Variants in IL17D observed in about 807,000 individuals in gnomAD.
The protein encoded by IL17D is interleukin 17D.
IL17D carries 10 observed loss-of-function variants against 5.7 expected under a neutral mutation model. That is an observed-to-expected ratio of 1.75 (90% confidence interval 1.08 to 2.97). IL17D has a LOEUF of 2.97. Among genes scored for constraint, IL17D ranks in the 30% most tolerant of loss-of-function variants. The pLI is 0.00. For synonymous variants in IL17D, 172 were observed against 141.7 expected (o/e 1.21, Z -1.52); for missense variants, 354 against 292.7 (o/e 1.21, Z -1.53).
Position 20,704,342 on chromosome 13 carries a change from C to A in IL17D, c.290+51C>A. ...GGCCCGGCAGGTGGGGAGGGCAGGG[C>A]TGGGCGGGGAGAGTGGGTGGGGCCG... On this transcript the variant is annotated intron_variant, in intron 1 of 1. Coordinates refer to ENST00000682841, the MANE Select transcript of IL17D (RefSeq NM_001385224.1). 3.6e-5 allele frequency: 7 copies of A among 194,946 alleles called. No homozygotes were observed. The South Asian group carries it at 4.9e-4, about 14-fold the overall frequency. The allele number at this position is 194,946 out of a possible 1,614,324, so 12.1% of individuals were successfully genotyped here.
intron 1 of IL17D, among the ~76,000 whole-genome samples, chr13:20,710,763 A>G (rs1010869731): frequency 2.0e-5 from 3 of 152,114 alleles, no homozygotes; most frequent in Admixed American, 6.6e-5. Flanking sequence ...TAGGTTATGA[A>G]TAATGTGCAA....
chr13:20,708,749 C>G (rs1303107280), intron 1 of IL17D, among the ~76,000 whole-genome samples: 1 of 150,332 alleles, frequency 6.7e-6, no homozygotes, highest in East Asian at 1.9e-4. Context: ...CCTGTAATCC[C>G]AGCACTTTGG....
At chr13:20,710,587 C>T (rs556428047) in intron 1 of IL17D, among the ~76,000 whole-genome samples, 5 of 146,442 alleles carry the variant, frequency 3.4e-5, no homozygotes, top group African/African-American at 1.0e-4. Context: ...TGAGATCGCG[C>T]CACTGCACTC....
chr13:20,702,086 G>C (rs1282647665), upstream of IL17D: 1 of 152,112 alleles, frequency 6.6e-6, no homozygotes, highest in Non-Finnish European at 1.5e-5. Context: ...TCTCTTAAAA[G>C]CCTCCCACGC....
intron 1 of IL17D, among the ~76,000 whole-genome samples, chr13:20,708,037 G>A (rs1437932689): frequency 6.6e-6 from 1 of 152,168 alleles, no homozygotes. Context: ...CTCAGCTTCT[G>A]GAGTAGCTGG....
In IL17D at chr13:20,704,274, G is replaced by T. The variant is rs747547288; in HGVS notation, c.273G>T (p.Val91=). Residue 91 remains valine (V), a synonymous_variant, in exon 1 of 2, where the codon GTG becomes GTT. Coordinates refer to ENST00000682841, the MANE Select transcript of IL17D (RefSeq NM_001385224.1). ...RFRPPTNLRS[V]SPWAYRISYD... is the part of the protein sequence containing the mutation. ...GGCCGCCCACCAACCTGCGCAGCGT[G>T]TCGCCCTGGGCCTACAGGTGAGCCG... The T allele has an allele frequency of 1.6e-5, 21 of 1,273,148 alleles. No homozygotes were observed. The South Asian group carries it at 4.8e-4, about 29-fold the overall frequency. 78.9% of individuals were successfully genotyped at this position (1,273,148 alleles called of 1,614,324 possible). A position where few individuals can be genotyped will look rare whatever the true frequency, so the allele number is the denominator to read the frequency against.
At chr13:20,714,410 G>T (rs7988941) in intron 1 of IL17D, among the ~76,000 whole-genome samples, 3 of 152,176 alleles carry the variant, frequency 2.0e-5, no homozygotes, top group Admixed American at 6.5e-5. Context: ...GCTTGGCTGT[G>T]GGGGGCAGTG....
chr13:20,718,904 G>A (rs117281591), intron 1 of IL17D, among the ~76,000 whole-genome samples: 12,086 of 107,178 alleles, frequency 0.11, 548 homozygotes, highest in Non-Finnish European at 0.15. Context: ...TCACACACCC[G>A]CCCATGCTCA....
rs1280418020 is a variant in IL17D at position 20,716,981 on chromosome 13, G to A, written c.291-4655G>A. The A allele has an allele frequency of 2.0e-5, 3 of 152,210 alleles. No homozygotes were observed. The highest frequency in any genetic ancestry group is 3.9e-4 in the East Asian group (2 of 5,194). 9.4% of individuals were successfully genotyped at this position (152,210 alleles called of 1,614,324 possible). A position where few individuals can be genotyped will look rare whatever the true frequency, so the allele number is the denominator to read the frequency against. Reference sequence around the variant, plus strand: ...ACATCAGGTGGCCCGATCCTCCCTCGGAATGTGTTCATTGTTTTCAGAGCT... The same window carrying A: ...ACATCAGGTGGCCCGATCCTCCCTCAGAATGTGTTCATTGTTTTCAGAGCT... On this transcript the variant is annotated intron_variant, in intron 1 of 1. Transcript: ENST00000682841. This position sits in a 1 kb window ranked among gnomAD's most constrained non-coding sequence, Gnocchi z 4.2.
chr13:20,717,728 G>C (rs1321539230), intron 1 of IL17D, among the ~76,000 whole-genome samples: 1 of 152,152 alleles, frequency 6.6e-6, no homozygotes, highest in Non-Finnish European at 1.5e-5. Flanking sequence ...TCATGCCTCT[G>C]ATCTCCCATG....
Position 20,716,321 on chromosome 13 carries a change from T to A in IL17D, c.291-5315T>A, listed in dbSNP as rs1477086221. 6.6e-6 allele frequency among the ~76,000 whole-genome samples: 1 copy of A among 152,182 alleles called. No individual in the cohort carries two copies. Among genetic ancestry groups the A allele is most frequent in the African/African-American group, 2.4e-5 (1 of 41,436 alleles). On this transcript the variant is annotated intron_variant, in intron 1 of 1. Transcript: ENST00000682841. The surrounding 1 kb of genome is among the most constrained non-coding windows in gnomAD (Gnocchi z 4.2). ...TCTTGAGTATTCTTGGCCCTTTTCT[T>A]CTCTCTCTATGAATTTTAGGATCAG...
At chr13:20,719,022 C>CCA (rs202065656) in intron 1 of IL17D, among the ~76,000 whole-genome samples, 2 of 145,330 alleles carry the variant, frequency 1.4e-5, no homozygotes, top group Non-Finnish European at 3.0e-5. Context: ...TCACACATGC[C>CCA]CACACAGACA....
rs1235043330 is a variant in IL17D at position 20,716,836 on chromosome 13, T to C, written c.291-4800T>C. Among the ~76,000 whole-genome samples the C allele has an allele frequency of 1.3e-5, 2 of 152,160 alleles. No individual in the cohort carries two copies. Among genetic ancestry groups the C allele is most frequent in the Non-Finnish European group, 2.9e-5 (2 of 68,016 alleles). On this transcript the variant is annotated intron_variant, in intron 1 of 1. Coordinates refer to ENST00000682841, the MANE Select transcript of IL17D (RefSeq NM_001385224.1). The surrounding 1 kb of genome is among the most constrained non-coding windows in gnomAD (Gnocchi z 4.2). The stretch of plus-strand genomic sequence containing the variant: ...CTTTCAACTGCTGTGAGATAAACAG[T>C]CATCCTGAGCCCCTGCTGCTCTGAA...
chr13:20,721,712 C>T lies in IL17D; in HGVS notation c.367C>T (p.Leu123=), dbSNP rs1183192413. The change falls in exon 2 of 2, where the codon CTG becomes TTG. Residue 123 remains leucine (L), a synonymous_variant. Coordinates refer to ENST00000682841, the MANE Select transcript of IL17D (RefSeq NM_001385224.1). ...YCLCRGCLTG[L]FGEEDVRFRS... is the part of the protein sequence containing the mutation. ...CCTGTGCCGGGGCTGCCTGACCGGGCTGTTCGGCGAGGAGGACGTGCGCTT... is the reference window on the plus strand; with the variant it reads ...CCTGTGCCGGGGCTGCCTGACCGGGTTGTTCGGCGAGGAGGACGTGCGCTT... The T allele has an allele frequency of 6.2e-7, 1 of 1,611,382 alleles. No individual in the cohort carries two copies. Among genetic ancestry groups the T allele is most frequent in the Non-Finnish European group, 8.5e-7 (1 of 1,179,338 alleles).
chr13:20,719,135 A>C (rs1361546086), intron 1 of IL17D, among the ~76,000 whole-genome samples: 2 of 138,582 alleles, frequency 1.4e-5, no homozygotes, highest in East Asian at 2.3e-4. Context: ...ACTCATCCAC[A>C]CACCTATCCA....
Position 20,704,291 on chromosome 13 carries a change from G to C in IL17D, c.290G>C (p.Arg97Thr). The change falls in exon 1 of 2, where the codon AGA (arginine) becomes ACA (threonine). Residue 97 changes from arginine (R) to threonine (T), a missense_variant and splice_region_variant. Physicochemically the swap from Arg to Thr is moderately conservative, Grantham distance 71. Coordinates refer to ENST00000682841, the MANE Select transcript of IL17D (RefSeq NM_001385224.1). ...NLRSVSPWAY[R>T]ISYDPARYPR... Reference sequence around the variant, plus strand: ...CGCAGCGTGTCGCCCTGGGCCTACAGGTGAGCCGCGGGCGCGTCCTGGCGG... The same window carrying C: ...CGCAGCGTGTCGCCCTGGGCCTACACGTGAGCCGCGGGCGCGTCCTGGCGG... 1 of 1,222,674 alleles carries C rather than the reference G, an allele frequency of 8.2e-7. No individual in the cohort carries two copies. The highest frequency in any genetic ancestry group is 1.0e-6 in the Non-Finnish European group (1 of 982,966). 75.7% of individuals were successfully genotyped at this position (1,222,674 alleles called of 1,614,324 possible). A position where few individuals can be genotyped will look rare whatever the true frequency, so the allele number is the denominator to read the frequency against.
chr13:20,708,070 G>A (rs1184043856), intron 1 of IL17D, among the ~76,000 whole-genome samples: 7 of 152,134 alleles, frequency 4.6e-5, no homozygotes, highest in East Asian at 1.9e-4. Context: ...ATGCCACCAC[G>A]CCCAGCTAAT....
chr13:20,711,653 G>C (rs1268064571), intron 1 of IL17D, among the ~76,000 whole-genome samples: 1 of 152,206 alleles, frequency 6.6e-6, no homozygotes, highest in Non-Finnish European at 1.5e-5. Context: ...ACCCTCCCCA[G>C]CAGCCCAGTG....
chr13:20,721,627 T>C lies in IL17D; in HGVS notation c.291-9T>C, dbSNP rs2058735711. The C allele has an allele frequency of 1.3e-6, 2 of 1,584,472 alleles. No homozygotes were observed. Among genetic ancestry groups the C allele is most frequent in the Non-Finnish European group, 1.7e-6 (2 of 1,162,866 alleles). Reference sequence around the variant, plus strand: ...CAGGCGTGACCTCACCCGTGCTCTCTCCCTGCAGAATCTCCTACGACCCGG... The same window carrying C: ...CAGGCGTGACCTCACCCGTGCTCTCCCCCTGCAGAATCTCCTACGACCCGG... On this transcript the variant is annotated splice_polypyrimidine_tract_variant and intron_variant, in intron 1 of 1. Coordinates refer to ENST00000682841, the MANE Select transcript of IL17D (RefSeq NM_001385224.1).
Sources: gnomAD v4.1 joint callset for allele counts (sites outside exome capture counted in the v4.1 genomes callset) on GRCh38, gnomAD v4.1.1 for gene constraint, Gnocchi (gnomAD v3.1) non-coding constraint, MANE v1.5 for transcripts, NCBI Gene and HGNC (gene_info 2026-07-23, HGNC 2026-07-21) for gene names.